PDZD9: variants seen among roughly 807,000 people sequenced by gnomAD.
PDZD9 encodes PDZ domain-containing protein 9.
In PDZD9, 13 loss-of-function variants were observed where a neutral mutation model predicts 16.3. The observed-to-expected ratio is 0.80, with a 90% confidence interval of 0.52 to 1.27. The LOEUF (loss-of-function observed/expected upper bound fraction) is 1.27. Among genes scored for constraint, PDZD9 ranks in the 50% most tolerant of loss-of-function variants. PDZD9 has a pLI of 0.00. For synonymous variants in PDZD9, 120 were observed against 111.0 expected, an observed-to-expected ratio of 1.08 and a Z score of -0.51; for missense variants, 288 against 310.9, an observed-to-expected ratio of 0.93 and a Z score of 0.55.
chr16:21,981,877 G>A (rs1898737824), downstream of PDZD9, among the ~76,000 whole-genome samples: 1 of 143,336 alleles, frequency 7.0e-6, no homozygotes, highest in African/African-American at 2.6e-5. Context: ...GTCTTGCTCT[G>A]TTGCCCAGGC....
At chr16:21,978,474 TA>T in the PDZD9 span, among the ~76,000 whole-genome samples, 1 of 152,194 alleles carries the variant, frequency 6.6e-6, no homozygotes. Flanking sequence ...TTTGTGCCCA[TA>T]TTTAAGCTGC....
chr16:21,963,829 G>A, the PDZD9 span, among the ~76,000 whole-genome samples: 1 of 152,000 alleles, frequency 6.6e-6, no homozygotes, highest in African/African-American at 2.4e-5. Context: ...TATTGCTGCT[G>A]CTATTATTGC....
chr16:21,965,325 T>C, the PDZD9 span: 45 of 1,334,232 alleles, frequency 3.4e-5, no homozygotes, highest in African/African-American at 5.9e-4. Flanking sequence ...CAAATTTGTA[T>C]AGGCTTGTTG....
At chr16:21,977,810 G>A in the PDZD9 span, among the ~76,000 whole-genome samples, 1 of 152,130 alleles carries the variant, frequency 6.6e-6, no homozygotes. Context: ...CAACCTTTTG[G>A]TCATTTCTGT....
At chr16:21,974,204 G>C in the PDZD9 span, among the ~76,000 whole-genome samples, 1 of 152,140 alleles carries the variant, frequency 6.6e-6, no homozygotes, top group African/African-American at 2.4e-5. Flanking sequence ...TTTTGGTTCT[G>C]GTTGGACAAG....
At chr16:21,976,837 G>A in the PDZD9 span, 1 of 152,076 alleles carries the variant, frequency 6.6e-6, no homozygotes. Context: ...GATTTCCCTA[G>A]CAATGATTCT....
the PDZD9 span, chr16:21,972,053 CAA>C: frequency 1.2e-6 from 2 of 1,614,114 alleles, no homozygotes; most frequent in South Asian, 2.2e-5. Context: ...GGCCACATGT[CAA>C]GAGGGGCAGC....
chr16:21,958,609 A>G, the PDZD9 span: 1 of 1,609,554 alleles, frequency 6.2e-7, no homozygotes, highest in Non-Finnish European at 8.5e-7. Context: ...GGTTTGTTAA[A>G]TAAGTAATAG....
chr16:21,984,194 C>T lies in PDZD9; in HGVS notation c.*73G>A. On this transcript the variant is annotated 3_prime_UTR_variant, in exon 4 of 4. Coordinates refer to ENST00000424898, the MANE Select transcript of PDZD9 (RefSeq NM_001363519.1). The stretch of plus-strand genomic sequence containing the variant: ...GTCTACAGACAGTCCTTGATAAGTA[C>T]AGCAAACTTGTGCCTGGTGAGGCAC... 2 of 1,495,668 alleles carry T rather than the reference C, an allele frequency of 1.3e-6. No individual in the cohort carries two copies. The highest frequency in any genetic ancestry group is 1.8e-4 in the Middle Eastern group (1 of 5,594). 92.6% of individuals were successfully genotyped at this position (1,495,668 alleles called of 1,614,324 possible).
downstream of PDZD9, among the ~76,000 whole-genome samples, chr16:21,979,370 G>T (rs558116287): frequency 1.3e-5 from 2 of 152,272 alleles, no homozygotes; most frequent in South Asian, 4.1e-4. Context: ...ATAACGATGG[G>T]GATACATTCT....
At chr16:21,974,807 C>T in the PDZD9 span, among the ~76,000 whole-genome samples, 1 of 152,130 alleles carries the variant, frequency 6.6e-6, no homozygotes, top group Non-Finnish European at 1.5e-5. Context: ...ACTTGGGATC[C>T]AGCACACAAG....
the PDZD9 span, chr16:21,973,769 C>A: frequency 1.3e-6 from 1 of 756,204 alleles, no homozygotes; most frequent in Non-Finnish European, 2.2e-6. Flanking sequence ...ACAGAACTGG[C>A]TAAGTAAAAT....
rs1363119099 is a variant in PDZD9 at position 21,988,799 on chromosome 16, G to C, written c.212-8C>G. The C allele has an allele frequency of 1.3e-6, 2 of 1,587,414 alleles. No homozygotes were observed. Among genetic ancestry groups the C allele is most frequent in the East Asian group, 4.5e-5 (2 of 44,574 alleles). On this transcript the variant is annotated splice_region_variant and splice_polypyrimidine_tract_variant and intron_variant, in intron 2 of 3. Transcript: ENST00000424898. ...CACTAATCAGAACATCACCTGAAGA[G>C]GGAAAAAATTATGTATCAGTAAAAC...
At chr16:21,969,915 A>T in the PDZD9 span, among the ~76,000 whole-genome samples, 5 of 151,632 alleles carry the variant, frequency 3.3e-5, no homozygotes, top group Non-Finnish European at 7.4e-5. Context: ...TCTGTTGCCC[A>T]AGCTGGAGCA....
the PDZD9 span, among the ~76,000 whole-genome samples, chr16:21,971,153 G>A: frequency 6.6e-6 from 1 of 152,134 alleles, no homozygotes; most frequent in Non-Finnish European, 1.5e-5. Flanking sequence ...AATGGTGGTA[G>A]AGCCATAGAA....
At chr16:21,962,338 A>T in the PDZD9 span, 1 of 1,164,762 alleles carries the variant, frequency 8.6e-7, no homozygotes, top group South Asian at 1.5e-5. Flanking sequence ...TTGTTATATT[A>T]TTGTTCGCAC....
chr16:21,982,941 G>A (rs1218146163), downstream of PDZD9: 6 of 724,510 alleles, frequency 8.3e-6, no homozygotes, highest in East Asian at 2.7e-5. Flanking sequence ...TCCACACTGG[G>A]TGACAGAGCG....
intron 3 of PDZD9, among the ~76,000 whole-genome samples, chr16:21,986,968 G>A (rs1296212086): frequency 1.3e-5 from 2 of 152,190 alleles, no homozygotes; most frequent in Admixed American, 1.3e-4. Flanking sequence ...GAGAAGGATG[G>A]GGAAAGCAGT....
At chr16:21,994,087 T>G (rs781372415) in intron 2 of PDZD9, among the ~76,000 whole-genome samples, 6 of 152,228 alleles carry the variant, frequency 3.9e-5, no homozygotes, top group Non-Finnish European at 7.4e-5. Flanking sequence ...TCCCAGCTAC[T>G]GAGGAGGCTG....
Sources: allele counts gnomAD v4.1 joint callset (sites outside exome capture counted in the v4.1 genomes callset), GRCh38; gene constraint gnomAD v4.1.1; transcripts MANE v1.5; gene names NCBI Gene and HGNC (gene_info 2026-07-23, HGNC 2026-07-21).